Variants in SHLD1 observed in about 807,000 individuals in gnomAD.
The protein encoded by SHLD1 is RINN1-REV7-interacting novel NHEJ regulator 3.
SHLD1 carries 3 observed loss-of-function variants against 5.5 expected under a neutral mutation model. The observed-to-expected ratio is 0.54, with a 90% confidence interval of 0.25 to 1.40. The LOEUF is 1.40. Ranked by LOEUF, SHLD1 falls within the 40% of genes most tolerant of loss-of-function variation. SHLD1 has a pLI of 0.15. For synonymous variants in SHLD1, 92 were observed against 94.3 expected, an observed-to-expected ratio of 0.98 and a Z score of 0.14; for missense variants, 210 against 244.4, an observed-to-expected ratio of 0.86 and a Z score of 0.94.
intron 2 of SHLD1, among the ~76,000 whole-genome samples, chr20:5,847,138 C>G (rs2087942095): frequency 6.6e-6 from 1 of 151,830 alleles, no homozygotes; most frequent in African/African-American, 2.4e-5. Context: ...GTATGAAGAT[C>G]ATATTAATGA....
chr20:5,777,527 T>C (rs562296099), intron 2 of SHLD1, among the ~76,000 whole-genome samples: 2 of 152,158 alleles, frequency 1.3e-5, no homozygotes, highest in Admixed American at 1.3e-4. Flanking sequence ...TCAAGCAATC[T>C]TCCCTTCTCA....
At chr20:5,761,675 T>C (rs1161401661) in intron 1 of SHLD1, among the ~76,000 whole-genome samples, 3 of 150,778 alleles carry the variant, frequency 2.0e-5, no homozygotes, top group East Asian at 2.0e-4. Context: ...TGGTGTGATA[T>C]CGGCTCACTG....
intron 2 of SHLD1, among the ~76,000 whole-genome samples, chr20:5,800,432 G>A (rs993936405): frequency 2.0e-5 from 3 of 152,100 alleles, no homozygotes; most frequent in East Asian, 1.9e-4. Flanking sequence ...GGTGGCTCAC[G>A]CCTGTACTCC....
At chr20:5,805,034 G>A (rs938361266) in intron 2 of SHLD1, among the ~76,000 whole-genome samples, 1 of 152,188 alleles carries the variant, frequency 6.6e-6, no homozygotes, top group African/African-American at 2.4e-5. Flanking sequence ...TCTCCCAGGA[G>A]AATAATACTA....
intron 2 of SHLD1, among the ~76,000 whole-genome samples, chr20:5,779,239 T>C (rs1985580543): frequency 6.6e-6 from 1 of 151,154 alleles, no homozygotes; most frequent in African/African-American, 2.4e-5. Flanking sequence ...AGGTTATCAC[T>C]GGTAATCTTG....
intron 2 of SHLD1, among the ~76,000 whole-genome samples, chr20:5,786,225 G>T (rs1209512564): frequency 2.0e-5 from 3 of 152,142 alleles, no homozygotes; most frequent in Admixed American, 2.0e-4. Flanking sequence ...ACCAGCCATA[G>T]AACCTAAAAA....
intron 2 of SHLD1, among the ~76,000 whole-genome samples, chr20:5,827,096 G>T (rs1448781585): frequency 1.3e-5 from 2 of 150,520 alleles, no homozygotes; most frequent in Non-Finnish European, 2.9e-5. Context: ...AGTGAGGAGA[G>T]CTTAATGAAG....
intron 2 of SHLD1, among the ~76,000 whole-genome samples, chr20:5,836,947 A>G (rs545986535): frequency 6.6e-6 from 1 of 152,354 alleles, no homozygotes; most frequent in East Asian, 1.9e-4. Flanking sequence ...TCTGCAACAA[A>G]ACAAAACAAA....
chr20:5,799,422 C>G (rs1357343560), intron 2 of SHLD1, among the ~76,000 whole-genome samples: 1 of 151,374 alleles, frequency 6.6e-6, no homozygotes, highest in Non-Finnish European at 1.5e-5. Context: ...TATCTTGGCC[C>G]CCCAAGTAGC....
intron 2 of SHLD1, among the ~76,000 whole-genome samples, chr20:5,852,064 C>T (rs1461386075): frequency 1.3e-5 from 2 of 152,054 alleles, no homozygotes; most frequent in African/African-American, 4.8e-5. Context: ...CCAGCTTCAC[C>T]TTCCACCATT....
intron 2 of SHLD1, among the ~76,000 whole-genome samples, chr20:5,797,123 G>A (rs1454817935): frequency 6.6e-6 from 1 of 152,056 alleles, no homozygotes; most frequent in Non-Finnish European, 1.5e-5. Context: ...TGGATGCTGT[G>A]ATTTTAAAAA....
intron 2 of SHLD1, among the ~76,000 whole-genome samples, chr20:5,833,487 G>A (rs547814326): frequency 1.3e-5 from 2 of 152,164 alleles, no homozygotes; most frequent in South Asian, 2.1e-4. Context: ...TGTTTGTTCC[G>A]CTCTGCCCTG....
In SHLD1 at chr20:5,771,863, CTTTTTTTTTTT is replaced by C. The variant is rs34145480; in HGVS notation, c.-4-981_-4-971del. On this transcript the variant is annotated intron_variant, in intron 1 of 2. Transcript: ENST00000303142. ...TGCTTATTGAGTTGAGAACTTTTAC[CTTTTTTTTTTT>C]TTTTTTTTTTTTTTTTTGAGATGGA... 3.6e-3 allele frequency: 282 copies of C among 79,418 alleles called. 1 individual carries two copies. Among genetic ancestry groups the C allele is most frequent in the African/African-American group, 0.019 (262 of 13,554 alleles). 4.9% of individuals were successfully genotyped at this position (79,418 alleles called of 1,614,324 possible).
At chr20:5,834,910 C>T (rs1205182213) in intron 2 of SHLD1, among the ~76,000 whole-genome samples, 1 of 152,120 alleles carries the variant, frequency 6.6e-6, no homozygotes, top group East Asian at 1.9e-4. Context: ...TCTGGGGTCT[C>T]CTTTATGAGT....
intron 2 of SHLD1, among the ~76,000 whole-genome samples, chr20:5,807,694 C>CTTAAAGTAATT (rs1568512878): frequency 6.6e-6 from 1 of 152,168 alleles, no homozygotes; most frequent in Non-Finnish European, 1.5e-5. Flanking sequence ...CCTAGAATTA[C>CTTAAAGTAATT]TTTAACATTG....
At chr20:5,756,639 A>G (rs188224425) in intron 1 of SHLD1, 44 of 168,250 alleles carry the variant, frequency 2.6e-4, no homozygotes, top group Middle Eastern at 5.8e-3. Context: ...TTCATTCTAT[A>G]AGATTTTTTT....
intron 2 of SHLD1, among the ~76,000 whole-genome samples, chr20:5,774,709 G>A (rs1000713039): frequency 2.6e-5 from 4 of 152,050 alleles, no homozygotes; most frequent in African/African-American, 4.8e-5. Flanking sequence ...CCAAGGGGAT[G>A]GTGCTGTAAA....
In SHLD1 at chr20:5,797,356, T is replaced by G. The variant is rs548153739; in HGVS notation, c.178+24313T>G. Among the ~76,000 whole-genome samples, 375 of 151,284 alleles carry G rather than the reference T, an allele frequency of 2.5e-3. 2 individuals carry two copies. The highest frequency in any genetic ancestry group is 8.4e-3 in the African/African-American group (344 of 41,194). On this transcript the variant is annotated intron_variant, in intron 2 of 2. Coordinates refer to ENST00000303142, the MANE Select transcript of SHLD1 (RefSeq NM_152504.4). ...TAGGAGGATGGCTTGAGCTCTGGAG[T>G]TCAAGATCAGCCTGGGCAACATAGT...
At position 5,863,166 on chromosome 20, in the gene SHLD1, T is replaced by C. The variant is rs1699233; in HGVS notation, c.321T>C (p.Gly107=). 676,204 of 1,613,768 alleles carry C rather than the reference T, an allele frequency of 0.42. 144,541 individuals are homozygous for C. Among genetic ancestry groups the C allele is most frequent in the African/African-American group, 0.61 (45,383 of 74,920 alleles). ...TGGATAGATTCTATGAAATGTTTGG[T>C]CATCCACAGCCAGGCTCTGCAAACT... ...KSLDRFYEMF[G]HPQPGSANSL... is the part of the protein sequence containing the mutation. Residue 107 remains glycine (G), a synonymous_variant, in exon 3 of 3, where the codon GGT becomes GGC. Transcript: ENST00000303142.
Sources: allele counts gnomAD v4.1 joint callset (sites outside exome capture counted in the v4.1 genomes callset), GRCh38; gene constraint gnomAD v4.1.1; transcripts MANE v1.5; gene names NCBI Gene and HGNC (gene_info 2026-07-23, HGNC 2026-07-21).